The following GRM8 variants were observed in gnomAD, a reference collection of about 807,000 sequenced individuals.
GRM8 encodes the protein metabotropic glutamate receptor 8.
GRM8 carries 47 observed loss-of-function variants against 87.2 expected under a neutral mutation model. The ratio of observed to expected loss-of-function variants is 0.54; its 90% CI spans 0.43 to 0.69. The LOEUF is 0.69. Among genes scored for constraint, GRM8 ranks in the 30% least tolerant of loss-of-function variants. GRM8 has a pLI of 0.00. For synonymous variants in GRM8, 396 were observed against 404.5 expected (o/e 0.98, Z 0.25); for missense variants, 1,019 against 1,139.2 (o/e 0.89, Z 1.52).
intron 7 of GRM8, among the ~76,000 whole-genome samples, chr7:126,744,179 G>A (rs36097273): frequency 0.39 from 59,265 of 151,844 alleles, 12,783 homozygotes; most frequent in Non-Finnish European, 0.48. Flanking sequence ...GACTCAGGAG[G>A]GGTGGGGGAG....
chr7:127,173,720 A>G (rs1043016661), intron 2 of GRM8, among the ~76,000 whole-genome samples: 3 of 152,096 alleles, frequency 2.0e-5, no homozygotes, highest in Non-Finnish European at 4.4e-5. Flanking sequence ...ATCTGTCCCC[A>G]TTCATCACCA....
At chr7:126,765,332 C>T (rs1385573378) in intron 7 of GRM8, among the ~76,000 whole-genome samples, 2 of 151,994 alleles carry the variant, frequency 1.3e-5, no homozygotes, top group Non-Finnish European at 2.9e-5. Context: ...TTTCTATTCC[C>T]GCTATGCGGT....
intron 8 of GRM8, among the ~76,000 whole-genome samples, chr7:126,575,183 C>A (rs1320660702): frequency 6.6e-6 from 1 of 151,632 alleles, no homozygotes; most frequent in African/African-American, 2.4e-5. Flanking sequence ...GTTCTGCCTC[C>A]TGTCAGATCG....
At chr7:126,834,501 CT>C (rs1795668771) in intron 6 of GRM8, among the ~76,000 whole-genome samples, 1 of 152,180 alleles carries the variant, frequency 6.6e-6, no homozygotes. Flanking sequence ...TTATCAGTTC[CT>C]TTTGTCTTCT....
At chr7:127,227,175 G>A (rs1404872000) in intron 2 of GRM8, among the ~76,000 whole-genome samples, 6 of 152,198 alleles carry the variant, frequency 3.9e-5, no homozygotes, top group African/African-American at 1.2e-4. Context: ...ACTCAGCAGC[G>A]CCACTGGGAG....
At chr7:126,972,174 C>T (rs1163429747) in intron 3 of GRM8, among the ~76,000 whole-genome samples, 1 of 152,124 alleles carries the variant, frequency 6.6e-6, no homozygotes, top group Non-Finnish European at 1.5e-5. Context: ...GAAAAAACAA[C>T]AATAAGACAT....
chr7:126,748,567 T>A (rs1023905563), intron 7 of GRM8, among the ~76,000 whole-genome samples: 1 of 150,110 alleles, frequency 6.7e-6, no homozygotes, highest in African/African-American at 2.4e-5. Context: ...ATCTATAGAT[T>A]CAATGCAATA....
intron 3 of GRM8, among the ~76,000 whole-genome samples, chr7:126,963,912 A>G (rs139716340): frequency 1.3e-5 from 2 of 152,310 alleles, no homozygotes; most frequent in South Asian, 2.1e-4. Flanking sequence ...CTGACTTCAA[A>G]CTATACTACA....
chr7:126,895,004 C>T (rs1801408722), intron 6 of GRM8, among the ~76,000 whole-genome samples: 1 of 152,024 alleles, frequency 6.6e-6, no homozygotes, highest in African/African-American at 2.4e-5. Context: ...AGATGGCAAA[C>T]TTTACAATCT....
intron 9 of GRM8, among the ~76,000 whole-genome samples, chr7:126,498,636 G>C (rs1054156913): frequency 2.6e-5 from 4 of 151,966 alleles, no homozygotes; most frequent in African/African-American, 9.7e-5. Context: ...GCTTTTGTCT[G>C]ATTAATGAGC....
At chr7:126,896,337 C>T (rs534463700) in intron 6 of GRM8, among the ~76,000 whole-genome samples, 3 of 151,940 alleles carry the variant, frequency 2.0e-5, no homozygotes, top group Non-Finnish European at 4.4e-5. Flanking sequence ...CCTGGTAGTG[C>T]TCACGTAAAG....
intron 2 of GRM8, among the ~76,000 whole-genome samples, chr7:127,159,014 A>G (rs2116196230): frequency 6.6e-6 from 1 of 152,306 alleles, no homozygotes; most frequent in South Asian, 2.1e-4. Flanking sequence ...CATGCTCCCC[A>G]GGAGAAAGCC....
At chr7:126,584,165 C>T (rs923042371) in intron 8 of GRM8, among the ~76,000 whole-genome samples, 10 of 152,064 alleles carry the variant, frequency 6.6e-5, no homozygotes, top group Admixed American at 1.3e-4. Context: ...AATTAAGATA[C>T]GTGTTTTTTT....
chr7:127,079,141 GAC>G (rs1016347885), intron 3 of GRM8, among the ~76,000 whole-genome samples: 10 of 151,612 alleles, frequency 6.6e-5, no homozygotes, highest in African/African-American at 2.2e-4. Context: ...CTTTTTCTGA[GAC>G]AGAGTCTTGC....
chr7:126,926,627 G>A (rs1000709820), intron 3 of GRM8, among the ~76,000 whole-genome samples: 2 of 152,116 alleles, frequency 1.3e-5, no homozygotes, highest in African/African-American at 4.8e-5. Context: ...TTTCTTCCAG[G>A]ACAAAATCTG....
At chr7:126,699,502 A>T (rs548438064) in intron 7 of GRM8, among the ~76,000 whole-genome samples, 1 of 152,332 alleles carries the variant, frequency 6.6e-6, no homozygotes, top group Non-Finnish European at 1.5e-5. Context: ...CAGACAAAAA[A>T]ATCCCCTGTG....
intron 6 of GRM8, among the ~76,000 whole-genome samples, chr7:126,775,441 A>C (rs2299519): frequency 6.8e-6 from 1 of 147,426 alleles, no homozygotes; most frequent in Non-Finnish European, 1.5e-5. Context: ...GAACCACATC[A>C]CACACTAAAG....
chr7:127,069,332 T>C (rs1391518256), intron 3 of GRM8, among the ~76,000 whole-genome samples: 1 of 152,072 alleles, frequency 6.6e-6, no homozygotes, highest in East Asian at 1.9e-4. Context: ...CCAGCTAATT[T>C]TTTGTATTTT....
chr7:127,116,060 G>A (rs914872620), intron 2 of GRM8, among the ~76,000 whole-genome samples: 2 of 152,184 alleles, frequency 1.3e-5, no homozygotes, highest in Admixed American at 1.3e-4. Flanking sequence ...AGGTGACAAT[G>A]AGCTATAATT....
Sources: gnomAD v4.1 joint callset for allele counts (sites outside exome capture counted in the v4.1 genomes callset) on GRCh38, gnomAD v4.1.1 for gene constraint, MANE v1.5 for transcripts, NCBI Gene and HGNC (gene_info 2026-07-23, HGNC 2026-07-21) for gene names.